Variants in UBE2V1 observed in about 807,000 individuals in gnomAD.
The protein encoded by UBE2V1 is ubiquitin-conjugating enzyme E2 variant 1.
UBE2V1 carries 15 observed loss-of-function variants against 19.6 expected under a neutral mutation model. The ratio of observed to expected loss-of-function variants is 0.77; its 90% CI spans 0.51 to 1.18. The LOEUF is 1.18. Ranked by LOEUF, UBE2V1 falls within the 50% of genes most tolerant of loss-of-function variation. UBE2V1 has a pLI of 0.00. For missense variants in UBE2V1, 125 were observed against 184.8 expected (o/e 0.68, Z 1.88); for synonymous variants, 60 against 60.7 (o/e 0.99, Z 0.05).
chr20:50,094,219 T>TATGCATTATATATA (rs2079459797), intron 2 of UBE2V1, among the ~76,000 whole-genome samples: 1 of 65,036 alleles, frequency 1.5e-5, no homozygotes, highest in African/African-American at 9.0e-5. Flanking sequence ...ATATATAACA[T>TATGCATTATATATA]ATGCATTATA....
chr20:50,084,188 G>A lies in UBE2V1; in HGVS notation c.238C>T (p.Pro80Ser), dbSNP rs1568966166. ...ATTTTTGTTACAAATCTTACAAAGGGGGGTGCTTCTGGGTATTTAGGTCCA... is the reference window on the plus strand; with the variant it reads ...ATTTTTGTTACAAATCTTACAAAGGAGGGTGCTTCTGGGTATTTAGGTCCA... ...ECGPKYPEAP[P>S]FVRFVTKINM... Residue 80 changes from proline (P) to serine (S), a missense_variant, in exon 3 of 4, where the codon CCC (proline) becomes TCC (serine). Coordinates refer to ENST00000371674, the MANE Select transcript of UBE2V1 (RefSeq NM_001032288.3). 6.2e-7 allele frequency: 1 copy of A among 1,609,880 alleles called. No homozygotes were observed. The highest frequency in any genetic ancestry group is 8.5e-7 in the Non-Finnish European group (1 of 1,178,884).
chr20:50,083,620 G>A (rs1172901285), intron 3 of UBE2V1: 1 of 153,094 alleles, frequency 6.5e-6, no homozygotes, highest in Non-Finnish European at 1.5e-5. Flanking sequence ...AAAGCTTTTG[G>A]CAAATGACAC....
chr20:50,082,891 C>T lies in UBE2V1; in HGVS notation c.321G>A (p.Val107=), dbSNP rs1229359987. 1 of 1,610,074 alleles carries T rather than the reference C, an allele frequency of 6.2e-7. No homozygotes were observed. Among genetic ancestry groups the T allele is most frequent in the East Asian group, 2.2e-5 (1 of 44,884 alleles). ...TATATGAATTCTGCCATTTTGCTAG[C>T]ACTGATATGGCTCTTGGGTCCACCT... ...NGVVDPRAIS[V]LAKWQNSYSI... The change falls in exon 4 of 4, where the codon GTG becomes GTA. Residue 107 remains valine (V), a synonymous_variant. Transcript: ENST00000371674.
chr20:50,086,013 T>C (rs1399598174), intron 2 of UBE2V1, among the ~76,000 whole-genome samples: 1 of 151,970 alleles, frequency 6.6e-6, no homozygotes, highest in Admixed American at 6.6e-5. Context: ...CTCCCCCAAG[T>C]CTCTTTCTCT....
chr20:50,111,439 G>C (rs548584188), intron 1 of UBE2V1: 7 of 1,000,138 alleles, frequency 7.0e-6, no homozygotes, highest in African/African-American at 1.7e-5. Flanking sequence ...CGTTTATTAC[G>C]ACCCGGTAGG....
chr20:50,111,157 T>C (rs1355854871), intron 1 of UBE2V1: 4 of 734,790 alleles, frequency 5.4e-6, no homozygotes, highest in Non-Finnish European at 6.7e-6. Context: ...GACAAAAGAA[T>C]TTTGGGAAGT....
chr20:50,083,391 T>C (rs1019080907), intron 3 of UBE2V1, among the ~76,000 whole-genome samples: 1 of 152,194 alleles, frequency 6.6e-6, no homozygotes, highest in East Asian at 1.9e-4. Flanking sequence ...CCAAAATAAA[T>C]TCCCCAAAGC....
chr20:50,115,720 T>A, upstream of UBE2V1: 1 of 995,292 alleles, frequency 1.0e-6, no homozygotes, highest in Non-Finnish European at 1.3e-6. Flanking sequence ...ATCCAACTTT[T>A]AATCCTCACA....
In UBE2V1 at chr20:50,085,480, TAA is replaced by T. The variant is rs533864601; in HGVS notation, c.172-1228_172-1227del. On this transcript the variant is annotated intron_variant, in intron 2 of 3. Transcript: ENST00000371674. ...CACACTGAAGGGTGATGTCTCCCAG[TAA>T]AGAGTAACCCCCTCAAAGGCAGGGG... 1.1e-4 allele frequency among the ~76,000 whole-genome samples: 16 copies of T among 152,220 alleles called. No homozygotes were observed. In the South Asian group the frequency reaches 3.3e-3, roughly 32 times the overall value.
intron 1 of UBE2V1, chr20:50,108,830 C>A: frequency 4.6e-6 from 3 of 656,084 alleles, no homozygotes; most frequent in Non-Finnish European, 5.7e-6. Flanking sequence ...AGCACATAAC[C>A]CAGAAGAGGA....
chr20:50,113,791 A>ATTCG (rs1434365207), upstream of UBE2V1, among the ~76,000 whole-genome samples: 3 of 106,030 alleles, frequency 2.8e-5, no homozygotes, highest in Non-Finnish European at 5.3e-5. Context: ...TCATTCATTC[A>ATTCG]TTCGTTCATT....
chr20:50,083,788 C>T (rs2078752262), intron 3 of UBE2V1: 1 of 173,724 alleles, frequency 5.8e-6, no homozygotes, highest in African/African-American at 2.4e-5. Flanking sequence ...CAGTGGTTCA[C>T]AAATAAGGCC....
intron 2 of UBE2V1, among the ~76,000 whole-genome samples, chr20:50,088,044 T>C (rs900448382): frequency 4.7e-4 from 71 of 150,134 alleles, no homozygotes; most frequent in African/African-American, 1.7e-3. Flanking sequence ...AGCCTGGAGA[T>C]TATAAATTTT....
At chr20:50,106,064 T>C (rs531371547) in intron 1 of UBE2V1, among the ~76,000 whole-genome samples, 1 of 152,242 alleles carries the variant, frequency 6.6e-6, no homozygotes, top group African/African-American at 2.4e-5. Flanking sequence ...ATGATAAGTA[T>C]AATCAAATAG....
chr20:50,085,120 C>T (rs574986248), intron 2 of UBE2V1, among the ~76,000 whole-genome samples: 1 of 152,074 alleles, frequency 6.6e-6, no homozygotes, highest in African/African-American at 2.4e-5. Flanking sequence ...GAACTCCTGA[C>T]CTCAGCTGAT....
rs1392910706 is a variant in UBE2V1, at chr20:50,085,809, T to G, written c.172-1555A>C. ...CTCAACCTGCCCTCTTCCTCCTCAG[T>G]GAATGACATCAGCATCTACCCAGTT... On this transcript the variant is annotated intron_variant, in intron 2 of 3. Coordinates refer to ENST00000371674, the MANE Select transcript of UBE2V1 (RefSeq NM_001032288.3). Among the ~76,000 whole-genome samples the G allele has an allele frequency of 5.9e-5, 9 of 152,266 alleles. No homozygotes were observed. In the East Asian group the frequency reaches 1.7e-3, roughly 29 times the overall value.
In UBE2V1 at chr20:50,111,349, T is replaced by C. The variant is rs1465888495; in HGVS notation, c.22+1758A>G. 26 of 997,946 alleles carry C rather than the reference T, an allele frequency of 2.6e-5. No individual in the cohort carries two copies. The South Asian group carries it at 2.8e-4, about 11-fold the overall frequency. The allele number at this position is 997,946 out of a possible 1,614,324, so 61.8% of individuals were successfully genotyped here. ...GGCAGCTGTTAACCCAGATTGTAGG[T>C]AGCCAACCGAGTGACTGCAAGCAGG... On this transcript the variant is annotated intron_variant, in intron 1 of 3. Transcript: ENST00000371674.
intron 2 of UBE2V1, chr20:50,084,812 G>T (rs2146956223): frequency 4.0e-6 from 1 of 248,848 alleles, no homozygotes; most frequent in Non-Finnish European, 8.0e-6. Flanking sequence ...CCTCCCTGCA[G>T]TCTTTTTTTT....
rs1047123832 is a variant in UBE2V1, at chr20:50,107,845, T to C, written c.22+5262A>G. Among the ~76,000 whole-genome samples the C allele has an allele frequency of 5.3e-5, 8 of 152,176 alleles. 1 individual carries two copies. Among genetic ancestry groups the C allele is most frequent in the African/African-American group, 1.9e-4 (8 of 41,430 alleles). On this transcript the variant is annotated intron_variant, in intron 1 of 3. Coordinates refer to ENST00000371674, the MANE Select transcript of UBE2V1 (RefSeq NM_001032288.3). ...TAGAAAATATGCAACGAAACAACAC[T>C]TCAGGTAAGGTTAAGTGCTTTAGAG... is the stretch of plus-strand genomic sequence containing the variant.
Sources: gnomAD v4.1 joint callset for allele counts (sites outside exome capture counted in the v4.1 genomes callset) on GRCh38, gnomAD v4.1.1 for gene constraint, MANE v1.5 for transcripts, NCBI Gene and HGNC (gene_info 2026-07-23, HGNC 2026-07-21) for gene names.